The following CASZ1 variants were observed in gnomAD, a reference collection of about 807,000 sequenced individuals.
The protein encoded by CASZ1 is zinc finger protein castor homolog 1.
CASZ1 carries 28 observed loss-of-function variants against 135.2 expected under a neutral mutation model. That is an observed-to-expected ratio of 0.21 (90% CI 0.15 to 0.28). CASZ1 has a LOEUF of 0.28. Ranked by LOEUF, CASZ1 falls within the 10% of genes least tolerant of loss-of-function variation. CASZ1 has a pLI of 1.00. For missense variants in CASZ1, 2,161 were observed against 2,453.3 expected, an observed-to-expected ratio of 0.88 and a Z score of 2.52; for synonymous variants, 1,068 against 1,073.4, an observed-to-expected ratio of 0.99 and a Z score of 0.10.
At chr1:10,671,982 T>C (rs967647822) in intron 4 of CASZ1, among the ~76,000 whole-genome samples, 1 of 152,164 alleles carries the variant, frequency 6.6e-6, no homozygotes, top group African/African-American at 2.4e-5. Flanking sequence ...AGCTGTGCCA[T>C]GCCAGAGACC....
chr1:10,640,026 G>C lies in CASZ1; in HGVS notation c.4196C>G (p.Ala1399Gly). The C allele has an allele frequency of 1.2e-6, 2 of 1,610,406 alleles. No individual in the cohort carries two copies. Among genetic ancestry groups the C allele is most frequent in the Non-Finnish European group, 1.7e-6 (2 of 1,179,770 alleles). The change falls in exon 21 of 21, where the codon GCC becomes GGC. Residue 1399 changes from alanine to glycine, a missense_variant. Ala to Gly is a moderately conservative substitution (Grantham distance 60). Transcript: ENST00000377022. ...CTCGATGATCCAGAAGCGCTTTTTGGCCCCCGAGGCTGTCGGCATAGAGAT... is the reference window on the plus strand; with the variant it reads ...CTCGATGATCCAGAAGCGCTTTTTGCCCCCCGAGGCTGTCGGCATAGAGAT... ...NTISMPTASG[A>G]KKRFWIIEDM...
intron 1 of CASZ1, among the ~76,000 whole-genome samples, chr1:10,781,796 C>T (rs1337651122): frequency 6.6e-6 from 1 of 152,212 alleles, no homozygotes; most frequent in African/African-American, 2.4e-5. Context: ...CTAATCCTCA[C>T]AGCAACCCCA....
At chr1:10,668,250 C>A (rs536324436) in intron 4 of CASZ1, among the ~76,000 whole-genome samples, 1 of 152,350 alleles carries the variant, frequency 6.6e-6, no homozygotes, top group East Asian at 1.9e-4. Flanking sequence ...GATCCGCCCC[C>A]CACCCCGCTG....
intron 4 of CASZ1, among the ~76,000 whole-genome samples, chr1:10,683,935 T>C (rs1029841990): frequency 6.6e-6 from 1 of 152,228 alleles, no homozygotes; most frequent in African/African-American, 2.4e-5. Context: ...GGTAGATACC[T>C]AGGGCTGGAG....
rs901206478 is a variant in CASZ1, at chr1:10,794,069, C to A, written c.-234+2495G>T. ...CGGCTCAGCCCCCGGGGAACAACTA[C>A]CCCCCTCCCCATGCCCGGCGCAGCT... On this transcript the variant is annotated intron_variant, in intron 1 of 20. Coordinates refer to ENST00000377022, the MANE Select transcript of CASZ1 (RefSeq NM_001079843.3). The surrounding 1 kb of genome is among the most constrained non-coding windows in gnomAD (Gnocchi z 5.6). 6.6e-6 allele frequency among the ~76,000 whole-genome samples: 1 copy of A among 152,150 alleles called. No homozygotes were observed. The highest frequency in any genetic ancestry group is 2.4e-5 in the African/African-American group (1 of 41,432).
intron 1 of CASZ1, among the ~76,000 whole-genome samples, chr1:10,781,746 T>A (rs1200330200): frequency 6.6e-6 from 1 of 152,152 alleles, no homozygotes; most frequent in South Asian, 2.1e-4. Flanking sequence ...TAGCTACCCC[T>A]CATCACCATG....
At chr1:10,642,183 G>A (rs1328867259) in intron 20 of CASZ1, 1 of 142,964 alleles carries the variant, frequency 7.0e-6, no homozygotes. Flanking sequence ...GAGAGAAGAG[G>A]CAGGGGAGGG....
intron 4 of CASZ1, among the ~76,000 whole-genome samples, chr1:10,671,431 A>G (rs1244095750): frequency 6.6e-6 from 1 of 152,186 alleles, no homozygotes; most frequent in African/African-American, 2.4e-5. Flanking sequence ...ACAGAACACA[A>G]ACATGGCTCC....
rs890507196 is a variant in CASZ1 at position 10,657,364 on chromosome 1, G to A, written c.1410-628C>T. Among the ~76,000 whole-genome samples, 7 of 152,206 alleles carry A rather than the reference G, an allele frequency of 4.6e-5. No individual in the cohort carries two copies. The highest frequency in any genetic ancestry group is 1.3e-4 in the Admixed American group (2 of 15,288). Reference sequence around the variant, plus strand: ...CCCACAGCCTCGGTGACGGCCGGCCGTGGGGAGGCCACTCTGGAGAGGCCA... The same window carrying A: ...CCCACAGCCTCGGTGACGGCCGGCCATGGGGAGGCCACTCTGGAGAGGCCA... On this transcript the variant is annotated intron_variant, in intron 7 of 20. Transcript: ENST00000377022. The surrounding 1 kb of genome is among the most constrained non-coding windows in gnomAD (Gnocchi z 5.7).
chr1:10,687,087 T>C (rs1240655203), intron 4 of CASZ1, among the ~76,000 whole-genome samples: 1 of 152,168 alleles, frequency 6.6e-6, no homozygotes, highest in Admixed American at 6.5e-5. Context: ...CCAACAGGCC[T>C]CTGGGACGCC....
intron 4 of CASZ1, among the ~76,000 whole-genome samples, chr1:10,667,307 C>T (rs57026192): frequency 0.057 from 8,666 of 152,320 alleles, 393 homozygotes; most frequent in African/African-American, 0.11. Flanking sequence ...GACAGGGTGA[C>T]TCTAGCCCAG....
At chr1:10,790,755 A>G (rs923182376) in intron 1 of CASZ1, among the ~76,000 whole-genome samples, 1 of 152,180 alleles carries the variant, frequency 6.6e-6, no homozygotes, top group African/African-American at 2.4e-5. Context: ...CCCCCTTGTA[A>G]GGACACACAC....
chr1:10,750,232 A>C (rs1570557488), intron 2 of CASZ1, among the ~76,000 whole-genome samples: 1 of 152,166 alleles, frequency 6.6e-6, no homozygotes, highest in Non-Finnish European at 1.5e-5. Context: ...GTGTGACATG[A>C]GGCCTGGCTA....
chr1:10,745,535 C>T (rs1640024021), intron 2 of CASZ1, among the ~76,000 whole-genome samples: 1 of 152,180 alleles, frequency 6.6e-6, no homozygotes, highest in South Asian at 2.1e-4. Flanking sequence ...CACAGGGTCT[C>T]ATACTCAAAG....
chr1:10,787,727 T>C (rs776912), intron 1 of CASZ1, among the ~76,000 whole-genome samples: 46,133 of 151,860 alleles, frequency 0.3, 10,332 homozygotes, highest in African/African-American at 0.62. Context: ...GGCTTCCTTT[T>C]GGTAAATCTC....
chr1:10,785,547 T>G (rs867752149), intron 1 of CASZ1, among the ~76,000 whole-genome samples: 16 of 152,206 alleles, frequency 1.1e-4, no homozygotes, highest in South Asian at 4.1e-4. Context: ...CTCATGCCCT[T>G]GCTTCCTTAG....
chr1:10,785,521 C>G (rs1035462348), intron 1 of CASZ1, among the ~76,000 whole-genome samples: 1 of 152,174 alleles, frequency 6.6e-6, no homozygotes. Flanking sequence ...CCCTCCAGTG[C>G]CCCCCGCTTC....
Position 10,694,656 on chromosome 1 carries a change from C to T in CASZ1, c.-23-744G>A, listed in dbSNP as rs1182348975. On this transcript the variant is annotated intron_variant, in intron 3 of 20. Transcript: ENST00000377022. The surrounding 1 kb of genome is among the most constrained non-coding windows in gnomAD (Gnocchi z 6.6). ...CCGCCCGCCGCCCGCCGCCCGGTGC[C>T]GGAGTGAATGGGCTCGCGCTCGCTC... Among the ~76,000 whole-genome samples the T allele has an allele frequency of 2.8e-5, 4 of 142,872 alleles. No individual in the cohort carries two copies. In the South Asian group the frequency reaches 6.3e-4, roughly 23 times the overall value. The allele number at this position is 142,872 out of a possible 152,430, so 93.7% of individuals were successfully genotyped here.
intron 1 of CASZ1, among the ~76,000 whole-genome samples, chr1:10,772,435 G>A (rs1372636480): frequency 6.6e-6 from 1 of 152,202 alleles, no homozygotes; most frequent in Admixed American, 6.5e-5. Flanking sequence ...TTTCTGCGGG[G>A]GAAGGCTGAG....
Sources: gnomAD v4.1 joint callset for allele counts (sites outside exome capture counted in the v4.1 genomes callset) on GRCh38, gnomAD v4.1.1 for gene constraint, Gnocchi (gnomAD v3.1) non-coding constraint, MANE v1.5 for transcripts, NCBI Gene and HGNC (gene_info 2026-07-23, HGNC 2026-07-21) for gene names.